ANKFN1: variants seen among roughly 807,000 people sequenced by gnomAD.
ANKFN1 encodes ankyrin repeat and fibronectin type-III domain-containing protein 1.
In ANKFN1, 74 loss-of-function variants were observed where a neutral mutation model predicts 108.7. That is an observed-to-expected ratio of 0.68 (90% CI 0.56 to 0.83). The LOEUF (loss-of-function observed/expected upper bound fraction) is 0.83. Among genes scored for constraint, ANKFN1 ranks in the 40% least tolerant of loss-of-function variants. ANKFN1 has a pLI of 0.00. For missense variants in ANKFN1, 1,505 were observed against 1,382.3 expected, an observed-to-expected ratio of 1.09 and a Z score of -1.41; for synonymous variants, 547 against 516.2, an observed-to-expected ratio of 1.06 and a Z score of -0.81.
intron 4 of ANKFN1, among the ~76,000 whole-genome samples, chr17:56,059,346 G>A (rs1904933623): frequency 6.6e-6 from 1 of 151,848 alleles, no homozygotes; most frequent in South Asian, 2.1e-4. Context: ...TTGTCAGATG[G>A]GCAGCTTGCA....
chr17:56,493,242 A>G (rs1321466298), intron 19 of ANKFN1, among the ~76,000 whole-genome samples: 1 of 152,108 alleles, frequency 6.6e-6, no homozygotes, highest in Non-Finnish European at 1.5e-5. Context: ...GTGCCAAAAA[A>G]AAGATATACC....
At chr17:56,434,676 T>C (rs1430020582) in intron 8 of ANKFN1, among the ~76,000 whole-genome samples, 3 of 151,902 alleles carry the variant, frequency 2.0e-5, no homozygotes, top group African/African-American at 2.4e-5. Flanking sequence ...CAGTTCCTAA[T>C]TTAAAACCCA....
chr17:56,399,899 C>A, intron 8 of ANKFN1, among the ~76,000 whole-genome samples: 1 of 139,696 alleles, frequency 7.2e-6, no homozygotes, highest in East Asian at 2.0e-4. Context: ...GCTGAGTATT[C>A]CATTTTATAT....
chr17:56,154,116 G>A (rs1908857814), intron 1 of ANKFN1, among the ~76,000 whole-genome samples: 1 of 152,148 alleles, frequency 6.6e-6, no homozygotes, highest in Admixed American at 6.5e-5. Flanking sequence ...AACCCTGTGG[G>A]TTGTGTCGGT....
intron 8 of ANKFN1, among the ~76,000 whole-genome samples, chr17:56,399,548 G>A (rs1468820251): frequency 1.3e-5 from 2 of 151,620 alleles, no homozygotes; most frequent in Non-Finnish European, 2.9e-5. Flanking sequence ...AAGTTCTTTA[G>A]TGATTTGTGA....
intron 1 of ANKFN1, among the ~76,000 whole-genome samples, chr17:56,154,274 C>T (rs576811897): frequency 6.6e-6 from 1 of 152,216 alleles, no homozygotes; most frequent in Non-Finnish European, 1.5e-5. Flanking sequence ...GAAGTCCTGG[C>T]TGAGGTCCTG....
In ANKFN1 at chr17:56,468,915, T is replaced by C. The variant is rs1447240711; in HGVS notation, c.1773+2344T>C. Among the ~76,000 whole-genome samples, 5 of 152,222 alleles carry C rather than the reference T, an allele frequency of 3.3e-5. No individual in the cohort carries two copies. The South Asian group carries it at 1.0e-3, about 32-fold the overall frequency. Reference sequence around the variant, plus strand: ...ATAAGCAAGTGCTAAAAGAAACATTTAAAAAATCATAATAAATTGAGCTTT... The same window carrying C: ...ATAAGCAAGTGCTAAAAGAAACATTCAAAAAATCATAATAAATTGAGCTTT... On this transcript the variant is annotated intron_variant, in intron 15 of 20. Transcript: ENST00000682825.
intron 3 of ANKFN1, among the ~76,000 whole-genome samples, chr17:56,276,600 C>T (rs2043941221): frequency 6.6e-6 from 1 of 152,064 alleles, no homozygotes. Flanking sequence ...CTCTGATGAC[C>T]AGTGATGGTG....
chr17:56,383,481 G>A (rs1179556942), intron 8 of ANKFN1, among the ~76,000 whole-genome samples: 1 of 152,066 alleles, frequency 6.6e-6, no homozygotes, highest in African/African-American at 2.4e-5. Context: ...ACTAAAATCA[G>A]AGCAGAACTG....
Position 56,499,297 on chromosome 17 carries a change from A to G in ANKFN1, c.2644+199A>G, listed in dbSNP as rs546245626. 5.3e-5 allele frequency among the ~76,000 whole-genome samples: 8 copies of G among 152,290 alleles called. No individual in the cohort carries two copies. The East Asian group carries it at 1.5e-3, about 29-fold the overall frequency. ...AAAACTAGAGCAGTAACCTAAGATC[A>G]ATGCCATTTAGGGACAGGGAAGAGT... On this transcript the variant is annotated intron_variant, in intron 20 of 20. Transcript: ENST00000682825.
intron 4 of ANKFN1, among the ~76,000 whole-genome samples, chr17:56,134,957 G>A (rs896801256): frequency 2.0e-5 from 3 of 152,038 alleles, no homozygotes; most frequent in African/African-American, 2.4e-5. Context: ...GTTGAGTAGG[G>A]GCACTCTTTT....
At chr17:56,173,200 C>G in intron 1 of ANKFN1, among the ~76,000 whole-genome samples, 1 of 152,210 alleles carries the variant, frequency 6.6e-6, no homozygotes, top group South Asian at 2.1e-4. Context: ...TAGCTCCTGG[C>G]TCCCCTCTCT....
At chr17:56,381,555 G>A (rs1214476989) in intron 8 of ANKFN1, among the ~76,000 whole-genome samples, 2 of 152,270 alleles carry the variant, frequency 1.3e-5, no homozygotes, top group Admixed American at 6.5e-5. Context: ...TTAGATGAAT[G>A]TATAACTAGA....
At chr17:56,265,529 T>C (rs1417582288) in intron 3 of ANKFN1, among the ~76,000 whole-genome samples, 1 of 152,124 alleles carries the variant, frequency 6.6e-6, no homozygotes, top group Non-Finnish European at 1.5e-5. Flanking sequence ...TGTGCAATGT[T>C]TAATAAAGTC....
At chr17:56,424,226 A>G (rs925285416) in intron 8 of ANKFN1, among the ~76,000 whole-genome samples, 1 of 152,166 alleles carries the variant, frequency 6.6e-6, no homozygotes, top group Non-Finnish European at 1.5e-5. Flanking sequence ...CATCCCTCAG[A>G]CTTACTCAAA....
chr17:56,457,216 A>G (rs756972007), intron 12 of ANKFN1, 41 bp from the exon 13 acceptor site: 4 of 1,511,346 alleles, frequency 2.6e-6, no homozygotes, highest in Middle Eastern at 2.1e-4. Flanking sequence ...TTTTTCCAAG[A>G]TGGTTGAGGA....
In ANKFN1 at chr17:56,440,316, A is replaced by G. The variant is rs181538673; in HGVS notation, c.911-11A>G. 1.1e-4 allele frequency: 166 copies of G among 1,576,616 alleles called. 3 individuals are homozygous for G. The East Asian group carries it at 3.3e-3, about 31-fold the overall frequency. ...TCTTTCTCTCTCTCCCTGCCCCCCT[A>G]CTCCCTCCAGTGGAATGGAGTATGT... On this transcript the variant is annotated splice_polypyrimidine_tract_variant and intron_variant, in intron 8 of 20. Coordinates refer to ENST00000682825, the MANE Select transcript of ANKFN1 (RefSeq NM_001370326.1).
At chr17:56,412,653 T>C (rs954846583) in intron 8 of ANKFN1, among the ~76,000 whole-genome samples, 15 of 152,230 alleles carry the variant, frequency 9.9e-5, no homozygotes, top group Non-Finnish European at 2.1e-4. Context: ...GCTTTTGGAC[T>C]CTTGGACTTA....
intron 6 of ANKFN1, among the ~76,000 whole-genome samples, chr17:56,371,948 A>C (rs1320506966): frequency 6.6e-6 from 1 of 152,222 alleles, no homozygotes; most frequent in Non-Finnish European, 1.5e-5. Flanking sequence ...CCTCTTGAGC[A>C]TAGGTATCTC....
Sources: allele counts gnomAD v4.1 joint callset (sites outside exome capture counted in the v4.1 genomes callset), GRCh38; gene constraint gnomAD v4.1.1; transcripts MANE v1.5; gene names NCBI Gene and HGNC (gene_info 2026-07-23, HGNC 2026-07-21).